Variants in MAD1L1 observed in about 807,000 individuals in gnomAD.
MAD1L1 encodes the protein mitotic spindle assembly checkpoint protein MAD1.
A neutral mutation model predicts 96.9 loss-of-function variants in MAD1L1; 95 were observed. That is an observed-to-expected ratio of 0.98 (90% CI 0.83 to 1.16). The LOEUF (loss-of-function observed/expected upper bound fraction) is 1.16. Ranked by LOEUF, MAD1L1 falls within the 50% of genes most tolerant of loss-of-function variation. The pLI is 0.00. For missense variants in MAD1L1, 1,007 were observed against 954.4 expected, an observed-to-expected ratio of 1.06 and a Z score of -0.73; for synonymous variants, 473 against 396.6, an observed-to-expected ratio of 1.19 and a Z score of -2.29.
chr7:1,904,137 C>T (rs1283358605), intron 17 of MAD1L1, among the ~76,000 whole-genome samples: 6 of 135,348 alleles, frequency 4.4e-5, no homozygotes, highest in East Asian at 2.5e-4. Context: ...TTCCAGGCAG[C>T]GAGGACGCAG....
intron 11 of MAD1L1, among the ~76,000 whole-genome samples, chr7:2,113,042 A>G (rs2128556845): frequency 6.9e-6 from 1 of 144,992 alleles, no homozygotes; most frequent in South Asian, 2.4e-4. Flanking sequence ...AACCTACTCG[A>G]CGAGGGGCAG....
intron 11 of MAD1L1, among the ~76,000 whole-genome samples, chr7:2,102,193 TCAC>T (rs72154011): frequency 0.18 from 26,501 of 150,486 alleles, 2,478 homozygotes; most frequent in Middle Eastern, 0.23. Context: ...ACAACCACCA[TCAC>T]CACCGTCACC....
At chr7:2,167,921 C>T (rs765719985) in intron 10 of MAD1L1, among the ~76,000 whole-genome samples, 16 of 152,140 alleles carry the variant, frequency 1.1e-4, no homozygotes, top group Admixed American at 1.3e-4. Context: ...ATAAATTTCA[C>T]ACTCCCCACC....
intron 12 of MAD1L1, among the ~76,000 whole-genome samples, chr7:2,040,703 G>C (rs1783635451): frequency 1.3e-5 from 2 of 152,210 alleles, no homozygotes; most frequent in South Asian, 4.1e-4. Flanking sequence ...GGCAGACGAG[G>C]AAACCTGGGC....
chr7:2,078,395 G>A (rs751570387), intron 11 of MAD1L1, among the ~76,000 whole-genome samples: 14 of 152,322 alleles, frequency 9.2e-5, no homozygotes, highest in African/African-American at 2.6e-4. Context: ...TGGATCAGAC[G>A]CGTGCGTCCG....
chr7:1,961,754 T>C (rs1021154066), intron 15 of MAD1L1, among the ~76,000 whole-genome samples: 1 of 152,216 alleles, frequency 6.6e-6, no homozygotes, highest in Non-Finnish European at 1.5e-5. Flanking sequence ...AGGGATATGG[T>C]GGGAGATAAT....
At chr7:2,161,491 A>T (rs924206276) in intron 10 of MAD1L1, among the ~76,000 whole-genome samples, 129 of 152,008 alleles carry the variant, frequency 8.5e-4, no homozygotes, top group African/African-American at 2.7e-3. Flanking sequence ...TTGGCCTCCC[A>T]AAGTGCCGAG....
At chr7:1,839,545 G>A (rs1478402634) in intron 18 of MAD1L1, among the ~76,000 whole-genome samples, 1 of 152,180 alleles carries the variant, frequency 6.6e-6, no homozygotes, top group Admixed American at 6.5e-5. Flanking sequence ...AAAACAGAAT[G>A]TCGTGGAGAA....
chr7:1,941,938 G>A (rs1444529282), intron 16 of MAD1L1, among the ~76,000 whole-genome samples: 1 of 152,176 alleles, frequency 6.6e-6, no homozygotes, highest in African/African-American at 2.4e-5. Context: ...AAGTTCAGGG[G>A]ACTTTCCCTG....
rs531759397 is a variant in MAD1L1, at chr7:1,906,861, G to A, written c.1808-8471C>T. On this transcript the variant is annotated intron_variant, in intron 17 of 18. Coordinates refer to ENST00000265854, the MANE Select transcript of MAD1L1 (RefSeq NM_001013836.2). ...ACAAGCAAGCACACACACAGCGGACGGGACACACACGCCTACTGCTGAACG... is the reference window on the plus strand; with the variant it reads ...ACAAGCAAGCACACACACAGCGGACAGGACACACACGCCTACTGCTGAACG... 1.5e-4 allele frequency among the ~76,000 whole-genome samples: 23 copies of A among 152,340 alleles called. No individual in the cohort carries two copies. In the South Asian group the frequency reaches 1.7e-3, roughly 11 times the overall value.
Position 2,063,666 on chromosome 7 carries a change from G to C in MAD1L1, c.1218+5528C>G, listed in dbSNP as rs1584233100. Among the ~76,000 whole-genome samples, 3 of 152,334 alleles carry C rather than the reference G, an allele frequency of 2.0e-5. No homozygotes were observed. The South Asian group carries it at 6.2e-4, about 32-fold the overall frequency. On this transcript the variant is annotated intron_variant, in intron 12 of 18. Transcript: ENST00000265854. ...CCTGTTCAAAAATAAAAACACTCCA[G>C]CAACGTGGGCCCATTTCTAAATCGC... is the stretch of plus-strand genomic sequence containing the variant.
chr7:1,979,894 C>T (rs114847773), intron 15 of MAD1L1, among the ~76,000 whole-genome samples: 1 of 152,332 alleles, frequency 6.6e-6, no homozygotes, highest in African/African-American at 2.4e-5. Flanking sequence ...CCCTTCTGAG[C>T]GTCAGGGACA....
At chr7:2,134,772 T>C (rs188027012) in intron 11 of MAD1L1, among the ~76,000 whole-genome samples, 1 of 152,324 alleles carries the variant, frequency 6.6e-6, no homozygotes, top group East Asian at 1.9e-4. Flanking sequence ...GAGAGCAACT[T>C]GTGGCTGCCC....
At chr7:1,893,488 G>A (rs115876012) in intron 18 of MAD1L1, among the ~76,000 whole-genome samples, 2,504 of 152,248 alleles carry the variant, frequency 0.016, 66 homozygotes, top group African/African-American at 0.058. Context: ...GGGGTTTGGC[G>A]AGATCTTTCA....
chr7:2,197,346 C>G lies in MAD1L1; in HGVS notation c.986+15866G>C, dbSNP rs1245196279. ...CTGGAAAACAGCCCCTGACTTATAG[C>G]TGTATCCCCAGCACCCAGCACCAGG... On this transcript the variant is annotated intron_variant, in intron 10 of 18. Coordinates refer to ENST00000265854, the MANE Select transcript of MAD1L1 (RefSeq NM_001013836.2). 5.3e-5 allele frequency among the ~76,000 whole-genome samples: 8 copies of G among 152,308 alleles called. No homozygotes were observed. In the East Asian group the frequency reaches 1.3e-3, roughly 26 times the overall value.
intron 13 of MAD1L1, among the ~76,000 whole-genome samples, chr7:2,004,707 G>C (rs558323767): frequency 2.0e-5 from 3 of 152,360 alleles, no homozygotes; most frequent in South Asian, 2.1e-4. Flanking sequence ...GGCATTTTCC[G>C]AAGGCTTCAT....
At chr7:1,919,995 A>G (rs1788674754) in intron 17 of MAD1L1, among the ~76,000 whole-genome samples, 1 of 149,994 alleles carries the variant, frequency 6.7e-6, no homozygotes, top group East Asian at 2.0e-4. Flanking sequence ...CAGTGCCAAC[A>G]GCTCCAGTGA....
At chr7:1,853,431 C>T (rs1387102324) in intron 18 of MAD1L1, among the ~76,000 whole-genome samples, 1 of 152,196 alleles carries the variant, frequency 6.6e-6, no homozygotes, top group Non-Finnish European at 1.5e-5. Flanking sequence ...ATTCAACAAA[C>T]ACACGCTCAG....
At chr7:2,160,196 C>CT (rs1300157795) in intron 10 of MAD1L1, among the ~76,000 whole-genome samples, 2 of 150,698 alleles carry the variant, frequency 1.3e-5, no homozygotes, top group Non-Finnish European at 2.9e-5. Flanking sequence ...GCGCACGGCA[C>CT]TCCAGCCTGG....
Sources: allele counts gnomAD v4.1 joint callset (sites outside exome capture counted in the v4.1 genomes callset), GRCh38; gene constraint gnomAD v4.1.1; transcripts MANE v1.5; gene names NCBI Gene and HGNC (gene_info 2026-07-23, HGNC 2026-07-21).